APOO: variants seen among roughly 807,000 people sequenced by gnomAD.
APOO encodes the protein apolipoprotein O, also known as MICOS complex subunit MIC26.
A neutral mutation model predicts 23.1 loss-of-function variants in APOO; 11 were observed. The ratio of observed to expected loss-of-function variants is 0.48; its 90% CI spans 0.30 to 0.79. APOO has a LOEUF of 0.79. Ranked by LOEUF, APOO falls within the 30% of genes least tolerant of loss-of-function variation. APOO has a pLI of 0.07. For synonymous variants in APOO, 59 were observed against 54.8 expected (o/e 1.08, Z -0.34); for missense variants, 160 against 142.7 (o/e 1.12, Z -0.62).
intron 1 of APOO, among the ~76,000 whole-genome samples, chrX:23,890,969 C>T (rs1425078360): frequency 9.0e-6 from 1 of 111,662 alleles, no homozygotes; most frequent in Admixed American, 9.6e-5. Flanking sequence ...CCACCAATAG[C>T]CTCCCAGTTG....
At chrX:23,886,938 A>C (rs1164777060) in intron 1 of APOO, among the ~76,000 whole-genome samples, 2 of 111,576 alleles carry the variant, frequency 1.8e-5, no homozygotes, top group Non-Finnish European at 3.8e-5. Context: ...TCACCCCAGG[A>C]CAGTGTAAGG....
chrX:23,838,357 CAAAAA>C (rs764414297), intron 8 of APOO, among the ~76,000 whole-genome samples: 1 of 20,086 alleles, frequency 5.0e-5, no homozygotes, highest in Non-Finnish European at 7.1e-5. Context: ...AACTCTATCT[CAAAAA>C]AAAAAAAAAA....
intron 1 of APOO, among the ~76,000 whole-genome samples, 167 bp downstream of exon 1, chrX:23,907,527 A>G (rs1460019720): frequency 5.3e-5 from 6 of 112,498 alleles, no homozygotes; most frequent in African/African-American, 1.6e-4. Context: ...GCTCATCCCC[A>G]GTAGACCAGT....
intron 7 of APOO, among the ~76,000 whole-genome samples, chrX:23,843,006 C>T (rs961047137): frequency 9.0e-6 from 1 of 111,404 alleles, no homozygotes; most frequent in Non-Finnish European, 1.9e-5. Flanking sequence ...GAAACTCCAT[C>T]TCAAAAACAA....
chrX:23,879,205 G>A (rs776655944), intron 2 of APOO, among the ~76,000 whole-genome samples, 171 bp from the exon 3 acceptor site: 2 of 112,070 alleles, frequency 1.8e-5, no homozygotes, highest in East Asian at 5.5e-4. Flanking sequence ...AGAAGCCAGG[G>A]CAGGCGGATC....
At chrX:23,891,340 C>T (rs1220272016) in intron 1 of APOO, among the ~76,000 whole-genome samples, 1 of 111,407 alleles carries the variant, frequency 9.0e-6, no homozygotes, top group African/African-American at 3.3e-5. Flanking sequence ...GATTCTCATG[C>T]TTTAGCCTCC....
intron 7 of APOO, among the ~76,000 whole-genome samples, chrX:23,850,872 A>G (rs773990320): frequency 9.0e-6 from 1 of 111,635 alleles, no homozygotes; most frequent in Non-Finnish European, 1.9e-5. Context: ...ACAGCAGTGA[A>G]GATGAATACA....
At chrX:23,868,410 G>A (rs1296527124) in intron 5 of APOO, among the ~76,000 whole-genome samples, 183 bp downstream of exon 5, 1 of 111,771 alleles carries the variant, frequency 8.9e-6, no homozygotes, top group African/African-American at 3.2e-5. Context: ...TTTTTACCAA[G>A]AGTATACAAT....
intron 1 of APOO, among the ~76,000 whole-genome samples, chrX:23,892,311 G>A (rs983878026): frequency 9.8e-6 from 1 of 101,718 alleles, no homozygotes; most frequent in African/African-American, 3.5e-5. Context: ...GAGTGCAGTG[G>A]CGCGATCTCC....
rs1042008482 is a variant in APOO at position 23,834,278 on chromosome X, C to T, written c.*30-666G>A. The stretch of plus-strand genomic sequence containing the variant: ...GGGCATGGTGGCGGGCGCCTGTAAT[C>T]CCAGCTAATCGGGAGGCTGAGGCAG... On this transcript the variant is annotated intron_variant, in intron 8 of 8. Transcript: ENST00000379226. 2.8e-5 allele frequency among the ~76,000 whole-genome samples: 3 copies of T among 107,530 alleles called. No individual in the cohort carries two copies. In the South Asian group the frequency reaches 1.3e-3, roughly 45 times the overall value. The allele number at this position is 107,530 out of a possible 115,157, so 93.4% of individuals were successfully genotyped here.
At chrX:23,865,041 C>T (rs1014925790) in intron 5 of APOO, among the ~76,000 whole-genome samples, 2 of 111,742 alleles carry the variant, frequency 1.8e-5, no homozygotes, top group Admixed American at 9.6e-5. Flanking sequence ...CCTGCCCCCA[C>T]CTCCATGCCC....
chrX:23,874,304 A>C, intron 4 of APOO, 99 bp downstream of exon 4: 1 of 728,785 alleles, frequency 1.4e-6, no homozygotes, highest in South Asian at 2.5e-5. Flanking sequence ...TATAATTTTA[A>C]GGAATACACA....
In APOO at chrX:23,837,347, C is replaced by A. The variant is rs768196471; in HGVS notation, c.*29+2966G>T. On this transcript the variant is annotated intron_variant, in intron 8 of 8. Coordinates refer to ENST00000379226, the MANE Select transcript of APOO (RefSeq NM_024122.5). ...CTCGCAGTAGACGCAGCAAAGAAAG[C>A]CTAATTTCTTTATGTATGATAATAT... 1.7e-5 allele frequency: 15 copies of A among 890,355 alleles called. No homozygotes were observed. The South Asian group carries it at 3.2e-4, about 19-fold the overall frequency. 73.4% of individuals were successfully genotyped at this position (890,355 alleles called of 1,213,427 possible). A position where few individuals can be genotyped will look rare whatever the true frequency, so the allele number is the denominator to read the frequency against.
chrX:23,866,194 C>T (rs917828053), intron 5 of APOO, among the ~76,000 whole-genome samples: 6 of 111,817 alleles, frequency 5.4e-5, no homozygotes, highest in African/African-American at 9.8e-5. Context: ...ATCTCCCTAA[C>T]GATAGCTGAA....
chrX:23,896,520 A>G (rs1321818905), intron 1 of APOO, among the ~76,000 whole-genome samples: 1 of 111,926 alleles, frequency 8.9e-6, no homozygotes, highest in Non-Finnish European at 1.9e-5. Context: ...TGACAGTATA[A>G]TTAAATCTAT....
At chrX:23,850,969 CTT>C (rs1924507966) in intron 7 of APOO, among the ~76,000 whole-genome samples, 2 of 110,909 alleles carry the variant, frequency 1.8e-5, no homozygotes, top group Non-Finnish European at 1.9e-5. Context: ...TCTAGATAAA[CTT>C]ATATATATAT....
chrX:23,882,720 G>T (rs1190694124), intron 1 of APOO, among the ~76,000 whole-genome samples: 2 of 108,555 alleles, frequency 1.8e-5, no homozygotes, highest in Non-Finnish European at 3.8e-5. Flanking sequence ...GATTTCTGCT[G>T]CACTGCAACC....
intron 3 of APOO, among the ~76,000 whole-genome samples, chrX:23,878,655 CAATTA>C (rs2147017375): frequency 9.0e-6 from 1 of 111,275 alleles, no homozygotes; most frequent in East Asian, 2.8e-4. Context: ...TTAAAATGTA[CAATTA>C]AATTATTGTT....
intron 1 of APOO, among the ~76,000 whole-genome samples, chrX:23,900,481 C>T (rs1367024587): frequency 1.8e-5 from 2 of 109,977 alleles, no homozygotes; most frequent in Non-Finnish European, 3.8e-5. Context: ...CAAGACCAGT[C>T]TGGCCAACAT....
Sources: gnomAD v4.1 joint callset for allele counts (sites outside exome capture counted in the v4.1 genomes callset) on GRCh38, gnomAD v4.1.1 for gene constraint, MANE v1.5 for transcripts, NCBI Gene and HGNC (gene_info 2026-07-23, HGNC 2026-07-21) for gene names.